The following GLUD1 variants were observed in gnomAD, a reference collection of about 807,000 sequenced individuals.
GLUD1 encodes glutamate dehydrogenase 1.
A neutral mutation model predicts 56.0 loss-of-function variants in GLUD1; 22 were observed. The observed-to-expected ratio is 0.39, with a 90% CI of 0.28 to 0.56. The LOEUF (loss-of-function observed/expected upper bound fraction) is 0.56, where lower values mean the gene tolerates loss of function less well. Among genes scored for constraint, GLUD1 ranks in the 20% least tolerant of loss-of-function variants. The pLI is 0.58. For synonymous variants in GLUD1, 223 were observed against 269.9 expected (o/e 0.83, Z 1.70); for missense variants, 451 against 732.0 (o/e 0.62, Z 4.43).
At chr10:87,073,767 C>A (rs182847517) in intron 4 of GLUD1, among the ~76,000 whole-genome samples, 3 of 151,652 alleles carry the variant, frequency 2.0e-5, no homozygotes, top group African/African-American at 7.3e-5. Context: ...TACAGGCACT[C>A]GCGACCACGC....
chr10:87,059,407 AG>A, intron 9 of GLUD1, 134 bp from the exon 10 acceptor site: 2 of 872,038 alleles, frequency 2.3e-6, no homozygotes, highest in Non-Finnish European at 3.8e-6. Context: ...AGCCAGTATC[AG>A]GAATTTCACA....
rs1183777416 is a variant in GLUD1, at chr10:87,082,622, C to T, written c.446-5966G>A. 2.6e-5 allele frequency among the ~76,000 whole-genome samples: 4 copies of T among 152,218 alleles called. No individual in the cohort carries two copies. In the East Asian group the frequency reaches 7.7e-4, roughly 29 times the overall value. On this transcript the variant is annotated intron_variant, in intron 1 of 12. Coordinates refer to ENST00000277865, the MANE Select transcript of GLUD1 (RefSeq NM_005271.5). ...TAGAAATGAATGCAAGTGATATTGC[C>T]TGGGCTAAAGAAGAAACATTTTCAT...
intron 11 of GLUD1, among the ~76,000 whole-genome samples, chr10:87,056,115 C>CAAAAAAAAAAAA: frequency 1.6e-5 from 1 of 62,758 alleles, no homozygotes; most frequent in Non-Finnish European, 2.8e-5. Context: ...GACTCTGTCT[C>CAAAAAAAAAAAA]AAAAAAAAAA....
chr10:87,059,787 C>T (rs1376432841), intron 9 of GLUD1, among the ~76,000 whole-genome samples: 3 of 152,194 alleles, frequency 2.0e-5, no homozygotes, highest in Admixed American at 1.3e-4. Flanking sequence ...AAAACCTGAG[C>T]ACGTGTTCCT....
intron 1 of GLUD1, among the ~76,000 whole-genome samples, chr10:87,091,360 G>C (rs1191764754): frequency 6.6e-6 from 1 of 152,058 alleles, no homozygotes; most frequent in Admixed American, 6.6e-5. Context: ...CTTCTAAAAA[G>C]GTAGACTGGT....
chr10:87,068,024 G>T, intron 5 of GLUD1, 39 bp downstream of exon 5: 2 of 1,162,304 alleles, frequency 1.7e-6, no homozygotes, highest in Non-Finnish European at 1.3e-6. Flanking sequence ...CTTGTAGACA[G>T]CAAATGCAGA....
intron 4 of GLUD1, among the ~76,000 whole-genome samples, chr10:87,070,711 A>ATCCTTCT (rs1302612529): frequency 3.7e-4 from 57 of 152,342 alleles, no homozygotes; most frequent in Non-Finnish European, 5.1e-4. Context: ...CTTCTCAAAA[A>ATCCTTCT]CAGTCTATAC....
intron 5 of GLUD1, among the ~76,000 whole-genome samples, chr10:87,066,427 T>C (rs1314065194): frequency 6.6e-6 from 1 of 152,228 alleles, no homozygotes; most frequent in Non-Finnish European, 1.5e-5. Flanking sequence ...TAACCTGGCC[T>C]GACCCTTTTT....
At chr10:87,068,197 A>G in intron 4 of GLUD1, 40 bp from the exon 5 acceptor site, 1 of 1,255,824 alleles carries the variant, frequency 8.0e-7, no homozygotes, top group African/African-American at 1.5e-5. Flanking sequence ...CCAGTTTTTA[A>G]GAAAAATTCT....
intron 10 of GLUD1, among the ~76,000 whole-genome samples, chr10:87,058,283 C>T (rs1395257320): frequency 6.6e-6 from 1 of 152,150 alleles, no homozygotes; most frequent in Non-Finnish European, 1.5e-5. Context: ...GCTCTGTTTC[C>T]ATAACACCCA....
chr10:87,053,320 C>A (rs1845688078), intron 12 of GLUD1, 22 bp downstream of exon 12: 1 of 1,562,348 alleles, frequency 6.4e-7, no homozygotes, highest in Non-Finnish European at 8.8e-7. Flanking sequence ...AGCTGGAAGG[C>A]AAACAGCATC....
intron 3 of GLUD1, among the ~76,000 whole-genome samples, 189 bp downstream of exon 3, chr10:87,075,779 G>A (rs1266172682): frequency 1.3e-5 from 2 of 152,056 alleles, no homozygotes; most frequent in African/African-American, 4.8e-5. Context: ...AAAATTAGTC[G>A]GGCATGGTGG....
chr10:87,055,093 T>C (rs1368100119), intron 11 of GLUD1, among the ~76,000 whole-genome samples: 7 of 152,216 alleles, frequency 4.6e-5, no homozygotes, highest in Non-Finnish European at 8.8e-5. Context: ...GTATGACTGC[T>C]GGGCAGCTCT....
chr10:87,052,474 G>A (rs114275574), intron 12 of GLUD1, among the ~76,000 whole-genome samples: 98 of 151,880 alleles, frequency 6.5e-4, no homozygotes, highest in Non-Finnish European at 1.0e-3. Flanking sequence ...GTGACAGAGC[G>A]AAACTCCATC....
At chr10:87,063,467 C>T (rs1845988850) in intron 5 of GLUD1, among the ~76,000 whole-genome samples, 1 of 152,166 alleles carries the variant, frequency 6.6e-6, no homozygotes, top group Non-Finnish European at 1.5e-5. Flanking sequence ...CTAGCTCAGC[C>T]TAAAGCTATC....
intron 4 of GLUD1, among the ~76,000 whole-genome samples, chr10:87,069,913 T>C: frequency 6.6e-6 from 1 of 152,186 alleles, no homozygotes; most frequent in Admixed American, 6.5e-5. Flanking sequence ...CCCACTGCAC[T>C]TGGAAAGATT....
Position 87,051,737 on chromosome 10 carries a change from C to A in GLUD1, c.*14G>T. The stretch of plus-strand genomic sequence containing the variant: ...CATGTGAAGAGGATAGTGAGGAAGT[C>A]AGCCATGATCCATCTATGTGAAGGT... On this transcript the variant is annotated 3_prime_UTR_variant, in exon 13 of 13. Transcript: ENST00000277865. The A allele has an allele frequency of 6.2e-7, 1 of 1,612,124 alleles. No individual in the cohort carries two copies. Among genetic ancestry groups the A allele is most frequent in the South Asian group, 1.1e-5 (1 of 90,988 alleles).
At chr10:87,074,282 C>A (rs1846321719) in intron 4 of GLUD1, among the ~76,000 whole-genome samples, 1 of 152,112 alleles carries the variant, frequency 6.6e-6, no homozygotes, top group Non-Finnish European at 1.5e-5. Flanking sequence ...GGGTGGATCA[C>A]CTGATGTCAG....
chr10:87,051,603 C>T lies in GLUD1; in HGVS notation c.*148G>A, dbSNP rs1253666482. 1.5e-5 allele frequency: 14 copies of T among 915,334 alleles called. No individual in the cohort carries two copies. Among genetic ancestry groups the T allele is most frequent in the East Asian group, 2.4e-5 (1 of 41,516 alleles). The allele number at this position is 915,334 out of a possible 1,614,324, so 56.7% of individuals were successfully genotyped here. On this transcript the variant is annotated 3_prime_UTR_variant, in exon 13 of 13. Transcript: ENST00000277865. Reference sequence around the variant, plus strand: ...CTAACCTTAATTTCTTTCTCCTTAACGGGCTGACTTGGATTGACTTGTTGA... The same window carrying T: ...CTAACCTTAATTTCTTTCTCCTTAATGGGCTGACTTGGATTGACTTGTTGA...
Sources: allele counts gnomAD v4.1 joint callset (sites outside exome capture counted in the v4.1 genomes callset), GRCh38; gene constraint gnomAD v4.1.1; transcripts MANE v1.5; gene names NCBI Gene and HGNC (gene_info 2026-07-23, HGNC 2026-07-21).